KCNH7: variants seen among roughly 807,000 people sequenced by gnomAD.
KCNH7 encodes potassium voltage-gated channel subfamily H member 7.
A neutral mutation model predicts 120.8 loss-of-function variants in KCNH7; 49 were observed. The observed-to-expected ratio is 0.41, with a 90% CI of 0.32 to 0.51. KCNH7 has a LOEUF of 0.51. Ranked by LOEUF, KCNH7 falls within the 20% of genes least tolerant of loss-of-function variation. The pLI is 0.38. For synonymous variants in KCNH7, 547 were observed against 516.1 expected (o/e 1.06, Z -0.81); for missense variants, 1,097 against 1,446.6 (o/e 0.76, Z 3.92).
intron 2 of KCNH7, among the ~76,000 whole-genome samples, chr2:162,611,911 C>T (rs1252008095): frequency 6.6e-6 from 1 of 152,078 alleles, no homozygotes; most frequent in Non-Finnish European, 1.5e-5. Context: ...ATTGAGTTGT[C>T]TTAATTTATG....
chr2:162,426,122 G>A (rs915518302), intron 8 of KCNH7, among the ~76,000 whole-genome samples: 1 of 150,998 alleles, frequency 6.6e-6, no homozygotes, highest in Admixed American at 6.6e-5. Flanking sequence ...GCTGAGGCAC[G>A]AGAATTGCTT....
chr2:162,783,922 A>C (rs1397029840), intron 2 of KCNH7, among the ~76,000 whole-genome samples: 2 of 152,164 alleles, frequency 1.3e-5, no homozygotes, highest in Non-Finnish European at 2.9e-5. Context: ...CCTGACTTCA[A>C]GATTTCTCCT....
chr2:162,592,856 G>C (rs556789476), intron 2 of KCNH7, among the ~76,000 whole-genome samples: 17 of 152,112 alleles, frequency 1.1e-4, no homozygotes, highest in Non-Finnish European at 2.2e-4. Context: ...TCAAAATATT[G>C]ATGTAGTTTT....
At chr2:162,611,177 TGG>T (rs1682951044) in intron 2 of KCNH7, among the ~76,000 whole-genome samples, 1 of 152,176 alleles carries the variant, frequency 6.6e-6, no homozygotes, top group Non-Finnish European at 1.5e-5. Context: ...GCCTGCTGGG[TGG>T]CATTGGTGTG....
chr2:162,689,469 G>T (rs1686025594), intron 2 of KCNH7, among the ~76,000 whole-genome samples: 1 of 151,904 alleles, frequency 6.6e-6, no homozygotes, highest in Non-Finnish European at 1.5e-5. Flanking sequence ...ATTATTATGG[G>T]TATTTAGATG....
chr2:162,581,482 C>T (rs957313941), intron 2 of KCNH7, among the ~76,000 whole-genome samples: 5 of 152,018 alleles, frequency 3.3e-5, no homozygotes, highest in Admixed American at 3.3e-4. Flanking sequence ...ATTTGGGGCA[C>T]ATTCGTTTGG....
At chr2:162,491,160 CT>C (rs967792237) in intron 6 of KCNH7, among the ~76,000 whole-genome samples, 1 of 152,222 alleles carries the variant, frequency 6.6e-6, no homozygotes, top group Non-Finnish European at 1.5e-5. Context: ...CCTGTGGAGC[CT>C]TTCCTCCTCT....
At chr2:162,600,057 C>G (rs1000700078) in intron 2 of KCNH7, among the ~76,000 whole-genome samples, 2 of 152,058 alleles carry the variant, frequency 1.3e-5, no homozygotes, top group African/African-American at 4.8e-5. Flanking sequence ...TCCTGTCTTT[C>G]AAGGTGCTCA....
intron 2 of KCNH7, among the ~76,000 whole-genome samples, chr2:162,827,927 G>T (rs1685342726): frequency 6.6e-6 from 1 of 152,066 alleles, no homozygotes; most frequent in Non-Finnish European, 1.5e-5. Flanking sequence ...TTAGACCTTT[G>T]GGAGAAGAGC....
At chr2:162,832,552 T>C (rs867371907) in intron 2 of KCNH7, among the ~76,000 whole-genome samples, 63 of 152,220 alleles carry the variant, frequency 4.1e-4, no homozygotes, top group Middle Eastern at 6.8e-3. Flanking sequence ...ATAGTCCAAA[T>C]ACTCTTTTTC....
intron 4 of KCNH7, among the ~76,000 whole-genome samples, chr2:162,516,049 C>T (rs541340651): frequency 1.1e-4 from 17 of 151,804 alleles, no homozygotes; most frequent in African/African-American, 1.7e-4. Context: ...AAACAGAACT[C>T]GCAAGCACAG....
intron 2 of KCNH7, among the ~76,000 whole-genome samples, chr2:162,616,010 AT>A (rs1683128949): frequency 6.6e-6 from 1 of 152,230 alleles, no homozygotes; most frequent in Non-Finnish European, 1.5e-5. Context: ...TTTCTACACT[AT>A]GGTTTTGTAA....
intron 2 of KCNH7, among the ~76,000 whole-genome samples, chr2:162,667,159 A>G (rs1370519782): frequency 6.6e-6 from 1 of 151,810 alleles, no homozygotes. Context: ...AGCTGGGACT[A>G]TAGGTGTACA....
chr2:162,652,997 C>T (rs964618145), intron 2 of KCNH7, among the ~76,000 whole-genome samples: 14 of 152,090 alleles, frequency 9.2e-5, no homozygotes, highest in African/African-American at 3.4e-4. Flanking sequence ...TGCCAAAGGC[C>T]TTACTTTTTC....
At chr2:162,728,178 T>G (rs1000006461) in intron 2 of KCNH7, among the ~76,000 whole-genome samples, 4 of 152,138 alleles carry the variant, frequency 2.6e-5, no homozygotes, top group Non-Finnish European at 5.9e-5. Context: ...AGCTTTTTTT[T>G]TTTTAATTAG....
chr2:162,559,649 T>C (rs1375898185), intron 2 of KCNH7, among the ~76,000 whole-genome samples: 1 of 152,188 alleles, frequency 6.6e-6, no homozygotes, highest in East Asian at 1.9e-4. Flanking sequence ...CATTGTAACC[T>C]CTTCACAACT....
intron 2 of KCNH7, among the ~76,000 whole-genome samples, chr2:162,633,870 T>C (rs1318044553): frequency 1.3e-5 from 2 of 152,068 alleles, no homozygotes; most frequent in Non-Finnish European, 2.9e-5. Context: ...TTCAAAATAA[T>C]TACCCTTCTC....
intron 2 of KCNH7, among the ~76,000 whole-genome samples, chr2:162,624,999 G>A (rs1683502445): frequency 6.7e-6 from 1 of 149,508 alleles, no homozygotes; most frequent in Non-Finnish European, 1.5e-5. Context: ...CGAGGTTCAA[G>A]GAATTCTCCT....
At chr2:162,472,452 A>G (rs1156990016) in intron 6 of KCNH7, among the ~76,000 whole-genome samples, 1 of 152,254 alleles carries the variant, frequency 6.6e-6, no homozygotes, top group Non-Finnish European at 1.5e-5. Context: ...ACTTCACAAA[A>G]GAAGACATTT....
Sources: gnomAD v4.1 joint callset for allele counts (sites outside exome capture counted in the v4.1 genomes callset) on GRCh38, gnomAD v4.1.1 for gene constraint, MANE v1.5 for transcripts, NCBI Gene and HGNC (gene_info 2026-07-23, HGNC 2026-07-21) for gene names.